Variants in TXNDC17 observed in about 807,000 individuals in gnomAD.
TXNDC17 encodes thioredoxin domain containing 17.
TXNDC17 carries 12 observed loss-of-function variants against 16.3 expected under a neutral mutation model. The ratio of observed to expected loss-of-function variants is 0.74; its 90% confidence interval spans 0.47 to 1.19. The LOEUF is 1.19. Among genes scored for constraint, TXNDC17 ranks in the 50% most tolerant of loss-of-function variants. The pLI is 0.00. For missense variants in TXNDC17, 158 were observed against 149.7 expected (o/e 1.06, Z -0.29); for synonymous variants, 62 against 55.0 (o/e 1.13, Z -0.56).
Position 6,644,262 on chromosome 17 carries a change from C to A in TXNDC17, c.*1243C>A, listed in dbSNP as rs572646473. 1.0e-5 allele frequency: 6 copies of A among 584,886 alleles called. No individual in the cohort carries two copies. In the African/African-American group the frequency reaches 1.1e-4, roughly 11 times the overall value. The allele number at this position is 584,886 out of a possible 1,614,324, so 36.2% of individuals were successfully genotyped here. The stretch of plus-strand genomic sequence containing the variant: ...ATGCGTAAAAAAGAAAAACACCTTA[C>A]AAATCCACAGGGAAATCAAAGAACA... On this transcript the variant is annotated 3_prime_UTR_variant, in exon 4 of 4. Coordinates refer to ENST00000250101, the MANE Select transcript of TXNDC17 (RefSeq NM_032731.4).
In TXNDC17 at chr17:6,644,320, T is replaced by G; in HGVS notation, c.*1301T>G. 2.4e-6 allele frequency: 2 copies of G among 841,768 alleles called. No homozygotes were observed. Among genetic ancestry groups the G allele is most frequent in the Non-Finnish European group, 3.4e-6 (2 of 593,344 alleles). 52.1% of individuals were successfully genotyped at this position (841,768 alleles called of 1,614,324 possible). On this transcript the variant is annotated 3_prime_UTR_variant, in exon 4 of 4. Coordinates refer to ENST00000250101, the MANE Select transcript of TXNDC17 (RefSeq NM_032731.4). ...TTTAACAGAAATAGTCTATTAACAA[T>G]AAAAAGTTGGATGAAAAAGCACACT...
chr17:6,641,726 ATTATT>A (rs771510002), intron 1 of TXNDC17, 22 bp from the exon 2 acceptor site: 1 of 1,610,354 alleles, frequency 6.2e-7, no homozygotes, highest in South Asian at 1.1e-5. Flanking sequence ...TTGACGTGCG[ATTATT>A]TTATCTCAAC....
In TXNDC17 at chr17:6,641,909, T is replaced by G. The variant is rs556107709; in HGVS notation, c.227+75T>G. ...TTAGGCGGGAAGGGCCTCAGGGACT[T>G]ACTTACCCAGTTTGTCTTACAAGGT... is the stretch of plus-strand genomic sequence containing the variant. On this transcript the variant is annotated intron_variant, in intron 2 of 3. Coordinates refer to ENST00000250101, the MANE Select transcript of TXNDC17 (RefSeq NM_032731.4). 3.9e-5 allele frequency: 51 copies of G among 1,308,540 alleles called. No individual in the cohort carries two copies. The Middle Eastern group carries it at 5.4e-4, about 14-fold the overall frequency. The allele number at this position is 1,308,540 out of a possible 1,614,324, so 81.1% of individuals were successfully genotyped here.
At position 6,644,373 on chromosome 17, in the gene TXNDC17, G is replaced by T; in HGVS notation, c.*1354G>T. On this transcript the variant is annotated 3_prime_UTR_variant, in exon 4 of 4. Transcript: ENST00000250101. ...AGGTTCTAGGGGCTACCATAATAAA[G>T]GTAGATAGGAAGAGTTTTCATTTTT... The T allele has an allele frequency of 1.4e-6, 2 of 1,408,512 alleles. No individual in the cohort carries two copies. Among genetic ancestry groups the T allele is most frequent in the Admixed American group, 2.7e-5 (1 of 37,104 alleles). The allele number at this position is 1,408,512 out of a possible 1,614,324, so 87.3% of individuals were successfully genotyped here.
At chr17:6,642,672 G>A in intron 3 of TXNDC17, 2 of 468,204 alleles carry the variant, frequency 4.3e-6, no homozygotes, top group Non-Finnish European at 7.5e-6. Flanking sequence ...CTAAATTAAA[G>A]AGTTGAGGGG....
At position 6,641,364 on chromosome 17, in the gene TXNDC17, C is replaced by T. The variant is rs1476615784; in HGVS notation, c.145+137C>T. The T allele has an allele frequency of 2.2e-5, 28 of 1,293,032 alleles. No individual in the cohort carries two copies. In the South Asian group the frequency reaches 3.6e-4, roughly 17 times the overall value. The allele number at this position is 1,293,032 out of a possible 1,614,324, so 80.1% of individuals were successfully genotyped here. A position where few individuals can be genotyped will look rare whatever the true frequency, so the allele number is the denominator to read the frequency against. ...GCAATCTGAGCTGTCCCCAAGTCTC[C>T]TTCTATTAAATCCTACCCCGCCCTG... is the stretch of plus-strand genomic sequence containing the variant. On this transcript the variant is annotated intron_variant, in intron 1 of 3. Coordinates refer to ENST00000250101, the MANE Select transcript of TXNDC17 (RefSeq NM_032731.4).
In TXNDC17 at chr17:6,642,979, T is replaced by C. The variant is rs937209197; in HGVS notation, c.332T>C (p.Leu111Pro). The change falls in exon 4 of 4, where the codon CTT becomes CCT. Residue 111 changes from leucine to proline, a missense_variant. Coordinates refer to ENST00000250101, the MANE Select transcript of TXNDC17 (RefSeq NM_032731.4). ...CAAAAACTGGTAGAATCTGAGTGTC[T>C]TCAGGCCAACCTGGTGGAAATGTTG... ...TPQKLVESECLQANLVEMLFS... is the reference protein window; with the variant it reads ...TPQKLVESECPQANLVEMLFS... The C allele has an allele frequency of 2.5e-6, 4 of 1,613,846 alleles. No homozygotes were observed. The highest frequency in any genetic ancestry group is 3.4e-6 in the Non-Finnish European group (4 of 1,179,970).
intron 3 of TXNDC17, chr17:6,642,669 AAAGAGTTGAGGGGAAG>A (rs1261038115): frequency 2.2e-6 from 1 of 462,880 alleles, no homozygotes; most frequent in African/African-American, 2.0e-5. Context: ...ATCCTAAATT[AAAGAGTTGAGGGGAAG>A]AAGAGGGCAC....
chr17:6,641,934 T>TA, intron 2 of TXNDC17, 100 bp downstream of exon 2: 18 of 1,042,796 alleles, frequency 1.7e-5, no homozygotes, highest in Non-Finnish European at 2.7e-5. Context: ...TCTTACAAGG[T>TA]AATGTCTGAC....
rs763234262 is a variant in TXNDC17, at chr17:6,641,193, CG to C, written c.117del (p.Ser41AlafsTer17). 27 of 1,613,440 alleles carry C rather than the reference CG, an allele frequency of 1.7e-5. No individual in the cohort carries two copies. Among genetic ancestry groups the C allele is most frequent in the Non-Finnish European group, 2.1e-5 (25 of 1,180,010 alleles). On this transcript the variant is annotated frameshift_variant, in exon 1 of 4. Transcript: ENST00000250101. LOFTEE classifies it high-confidence loss of function. ...CCTACTTTACGGGTTCTAAGGACGC[CG>C]GGGGGAAAAGCTGGTGCCCCGACTG... ...FAYFTGSKDAGGKSWCPDCVQ... is the reference protein window; with the variant it reads ...FAYFTGSKDAXGKSWCPDCVQ...
chr17:6,644,086 G>A lies in TXNDC17; in HGVS notation c.*1067G>A. The A allele has an allele frequency of 2.4e-6, 1 of 410,044 alleles. No individual in the cohort carries two copies. The highest frequency in any genetic ancestry group is 4.3e-6 in the Non-Finnish European group (1 of 232,388). 25.4% of individuals were successfully genotyped at this position (410,044 alleles called of 1,614,324 possible). A position where few individuals can be genotyped will look rare whatever the true frequency, so the allele number is the denominator to read the frequency against. On this transcript the variant is annotated 3_prime_UTR_variant, in exon 4 of 4. Transcript: ENST00000250101. The stretch of plus-strand genomic sequence containing the variant: ...AGAGTAGTTGATCTGAGACAGTAAG[G>A]TTCCAGGAGATGGTCTTGCCCTACT...
Position 6,643,009 on chromosome 17 carries a change from C to G in TXNDC17, c.362C>G (p.Ser121Cys). The G allele has an allele frequency of 6.2e-7, 1 of 1,613,800 alleles. No individual in the cohort carries two copies. Among genetic ancestry groups the G allele is most frequent in the Non-Finnish European group, 8.5e-7 (1 of 1,179,882 alleles). ...GCCAACCTGGTGGAAATGTTGTTCT[C>G]TGAAGATTAAGATTTTAGGATGGCA... ...LQANLVEMLF[S>C]ED Residue 121 changes from serine (S) to cysteine (C), a missense_variant, in exon 4 of 4, where the codon TCT becomes TGT. By Grantham distance (112) the Ser-to-Cys change is moderately radical. Coordinates refer to ENST00000250101, the MANE Select transcript of TXNDC17 (RefSeq NM_032731.4).
chr17:6,642,203 TAAACC>T (rs1409420787), intron 2 of TXNDC17, 41 bp from the exon 3 acceptor site: 3 of 1,364,020 alleles, frequency 2.2e-6, no homozygotes, highest in Admixed American at 3.6e-5. Context: ...CAAACTGTAA[TAAACC>T]AAGTAAATTT....
In TXNDC17 at chr17:6,644,274, G is replaced by A. The variant is rs1350471057; in HGVS notation, c.*1255G>A. On this transcript the variant is annotated 3_prime_UTR_variant, in exon 4 of 4. Transcript: ENST00000250101. Reference sequence around the variant, plus strand: ...GAAAAACACCTTACAAATCCACAGGGAAATCAAAGAACAATTCAGGTTTAA... The same window carrying A: ...GAAAAACACCTTACAAATCCACAGGAAAATCAAAGAACAATTCAGGTTTAA... 4 of 592,524 alleles carry A rather than the reference G, an allele frequency of 6.8e-6. No individual in the cohort carries two copies. The highest frequency in any genetic ancestry group is 1.1e-5 in the Non-Finnish European group (4 of 378,578). The allele number at this position is 592,524 out of a possible 1,614,324, so 36.7% of individuals were successfully genotyped here.
Position 6,641,295 on chromosome 17 carries a change from G to C in TXNDC17, c.145+68G>C, listed in dbSNP as rs568576809. Reference sequence around the variant, plus strand: ...GGAAGGTCGAGCCTACGGCCAGAAGGGGGGCTTAGCGGAGGCAGAGTCTTG... The same window carrying C: ...GGAAGGTCGAGCCTACGGCCAGAAGCGGGGCTTAGCGGAGGCAGAGTCTTG... On this transcript the variant is annotated intron_variant, in intron 1 of 3. Transcript: ENST00000250101. The C allele has an allele frequency of 6.5e-5, 104 of 1,592,664 alleles. No homozygotes were observed. In the Middle Eastern group the frequency reaches 1.2e-3, roughly 19 times the overall value.
chr17:6,641,707 A>T, intron 1 of TXNDC17, 46 bp from the exon 2 acceptor site: 1 of 1,578,024 alleles, frequency 6.3e-7, no homozygotes, highest in Non-Finnish European at 8.7e-7. Flanking sequence ...TACGTGCCTG[A>T]TTGTAGAGTT....
At position 6,643,214 on chromosome 17, in the gene TXNDC17, A is replaced by C; in HGVS notation, c.*195A>C. On this transcript the variant is annotated 3_prime_UTR_variant, in exon 4 of 4. Transcript: ENST00000250101. ...CATGGATATTTTTAAGATATAAAGA[A>C]GTCTTCAGAAATAGCAGTAAAGGCT... The C allele has an allele frequency of 2.0e-6, 1 of 512,350 alleles. No individual in the cohort carries two copies. The highest frequency in any genetic ancestry group is 3.4e-6 in the Non-Finnish European group (1 of 290,150). 31.7% of individuals were successfully genotyped at this position (512,350 alleles called of 1,614,324 possible). A position where few individuals can be genotyped will look rare whatever the true frequency, so the allele number is the denominator to read the frequency against.
rs534938516 is a variant in TXNDC17 at position 6,643,085 on chromosome 17, G to C, written c.*66G>C. On this transcript the variant is annotated 3_prime_UTR_variant, in exon 4 of 4. Coordinates refer to ENST00000250101, the MANE Select transcript of TXNDC17 (RefSeq NM_032731.4). Reference sequence around the variant, plus strand: ...TCTAGTATCAATAAACTGTATACTTGCTTTGAATTCATGTTAGCAATAAAT... The same window carrying C: ...TCTAGTATCAATAAACTGTATACTTCCTTTGAATTCATGTTAGCAATAAAT... The C allele has an allele frequency of 5.8e-6, 8 of 1,371,044 alleles. No homozygotes were observed. Among genetic ancestry groups the C allele is most frequent in the Middle Eastern group, 3.9e-4 (2 of 5,158 alleles). 84.9% of individuals were successfully genotyped at this position (1,371,044 alleles called of 1,614,324 possible).
Position 6,641,148 on chromosome 17 carries a change from C to A in TXNDC17, c.66C>A (p.His22Gln), listed in dbSNP as rs1404547007. Residue 22 changes from histidine (H) to glutamine (Q), a missense_variant, in exon 1 of 4, where the codon CAC becomes CAA. Coordinates refer to ENST00000250101, the MANE Select transcript of TXNDC17 (RefSeq NM_032731.4). ...FEEFHRAVEQ[H>Q]NGKTIFAYFT... is the part of the protein sequence containing the mutation. ...AGTTCCACCGGGCCGTGGAACAGCA[C>A]AATGGCAAGACCATTTTCGCCTACT... The A allele has an allele frequency of 6.2e-7, 1 of 1,613,726 alleles. No individual in the cohort carries two copies. Among genetic ancestry groups the A allele is most frequent in the Non-Finnish European group, 8.5e-7 (1 of 1,180,042 alleles).
Sources: allele counts gnomAD v4.1 joint callset, GRCh38; gene constraint gnomAD v4.1.1; transcripts MANE v1.5; gene names NCBI Gene and HGNC (gene_info 2026-07-23, HGNC 2026-07-21).